Variants in HIRA observed in about 807,000 individuals in gnomAD.
HIRA encodes the protein histone cell cycle regulator.
HIRA carries 13 observed loss-of-function variants against 126.6 expected under a neutral mutation model. That is an observed-to-expected ratio of 0.10 (90% CI 0.07 to 0.16). The LOEUF (loss-of-function observed/expected upper bound fraction) is 0.16. Among genes scored for constraint, HIRA ranks in the 10% least tolerant of loss-of-function variants. HIRA has a pLI of 1.00. For missense variants in HIRA, 834 were observed against 1,314.4 expected (o/e 0.63, Z 5.65); for synonymous variants, 511 against 520.0 (o/e 0.98, Z 0.24).
intron 15 of HIRA, among the ~76,000 whole-genome samples, chr22:19,369,947 C>T (rs143587734): frequency 0.01 from 1,532 of 152,218 alleles, 28 homozygotes; most frequent in African/African-American, 0.034. Context: ...AACAAACAAA[C>T]AAAGAAAATC....
chr22:19,348,704 C>G (rs1352846829), intron 24 of HIRA, among the ~76,000 whole-genome samples: 1 of 151,972 alleles, frequency 6.6e-6, no homozygotes, highest in Non-Finnish European at 1.5e-5. Context: ...ACTAAGTTGG[C>G]CAGGCTGGTC....
intron 5 of HIRA, among the ~76,000 whole-genome samples, chr22:19,398,746 G>A (rs1175495364): frequency 2.0e-5 from 3 of 152,202 alleles, no homozygotes; most frequent in African/African-American, 7.2e-5. Flanking sequence ...GGAGGCTGAG[G>A]TGGGCAGATC....
intron 1 of HIRA, among the ~76,000 whole-genome samples, chr22:19,420,769 C>G (rs2089440221): frequency 6.6e-6 from 1 of 152,024 alleles, no homozygotes; most frequent in Non-Finnish European, 1.5e-5. Context: ...GTGATGGTTG[C>G]ACTAAAAGCC....
At position 19,408,659 on chromosome 22, in the gene HIRA, T is replaced by A. The variant is rs1208501724; in HGVS notation, c.101-66A>T. ...AGAAATTTGATATTAATATTTAATG[T>A]CAAATTAAATTAGGAGAAGTCCTCA... is the stretch of plus-strand genomic sequence containing the variant. On this transcript the variant is annotated intron_variant, in intron 2 of 24. Coordinates refer to ENST00000263208, the MANE Select transcript of HIRA (RefSeq NM_003325.4). 3.4e-6 allele frequency: 3 copies of A among 875,486 alleles called. No homozygotes were observed. The East Asian group carries it at 7.5e-5, about 22-fold the overall frequency. The allele number at this position is 875,486 out of a possible 1,614,324, so 54.2% of individuals were successfully genotyped here. A position where few individuals can be genotyped will look rare whatever the true frequency, so the allele number is the denominator to read the frequency against.
At position 19,339,858 on chromosome 22, in the gene HIRA, G is replaced by A. The variant is rs532648410; in HGVS notation, c.2938-8302C>T. Among the ~76,000 whole-genome samples, 125 of 152,164 alleles carry A rather than the reference G, an allele frequency of 8.2e-4. 1 individual carries two copies. Among genetic ancestry groups the A allele is most frequent in the African/African-American group, 2.9e-3 (122 of 41,532 alleles). ...ACTTTGAACAGACCAATAATAAGTA[G>A]CAAGACTGAAACAGTAATTTAAAAA... On this transcript the variant is annotated intron_variant, in intron 24 of 24. Transcript: ENST00000263208.
Position 19,354,035 on chromosome 22 carries a change from C to CTGT in HIRA, c.2644_2645insACA (p.Cys882delinsTyrSer). The stretch of plus-strand genomic sequence containing the variant: ...CTGGATTATGGCTAACGGTCCTGAG[C>CTGT]ACAGCATGGCGTCCTGGGATGGCAG... On this transcript the variant is annotated protein_altering_variant, in exon 22 of 25. Transcript: ENST00000263208. 1 of 1,613,466 alleles carries CTGT rather than the reference C, an allele frequency of 6.2e-7. No individual in the cohort carries two copies. Among genetic ancestry groups the CTGT allele is most frequent in the Non-Finnish European group, 8.5e-7 (1 of 1,179,798 alleles).
chr22:19,340,062 T>A (rs1480222148), intron 24 of HIRA, among the ~76,000 whole-genome samples: 2 of 151,942 alleles, frequency 1.3e-5, no homozygotes, highest in Admixed American at 6.6e-5. Flanking sequence ...GGAAAGGACA[T>A]AACAAAAAAT....
In HIRA at chr22:19,349,300, A is replaced by T. The variant is rs142298540; in HGVS notation, c.2937+2058T>A. ...TTATTTTTAGTAGAGACGGGATTTC[A>T]GCATGTTGGCCGGGCAGGTCTTGAA... On this transcript the variant is annotated intron_variant, in intron 24 of 24. Transcript: ENST00000263208. Among the ~76,000 whole-genome samples, 199 of 151,804 alleles carry T rather than the reference A, an allele frequency of 1.3e-3. 1 individual carries two copies. Among genetic ancestry groups the T allele is most frequent in the African/African-American group, 4.5e-3 (188 of 41,378 alleles).
At position 19,398,055 on chromosome 22, in the gene HIRA, C is replaced by A; in HGVS notation, c.430G>T (p.Ala144Ser). The change falls in exon 6 of 25, where the codon GCC becomes TCC. Residue 144 changes from alanine (A) to serine (S), a missense_variant. By Grantham distance (99) the Ala-to-Ser change is moderately conservative. Coordinates refer to ENST00000263208, the MANE Select transcript of HIRA (RefSeq NM_003325.4). ...VMDVAWSPHD[A>S]WLASCSVDNT... is the part of the protein sequence containing the mutation. ...TCCACGCTGCATGAGGCTAGCCAGGCATCGTGGGGAGACCATGCTACATCC... is the reference window on the plus strand; with the variant it reads ...TCCACGCTGCATGAGGCTAGCCAGGAATCGTGGGGAGACCATGCTACATCC... 1 of 1,614,078 alleles carries A rather than the reference C, an allele frequency of 6.2e-7. No homozygotes were observed. The highest frequency in any genetic ancestry group is 8.5e-7 in the Non-Finnish European group (1 of 1,179,976).
intron 24 of HIRA, among the ~76,000 whole-genome samples, chr22:19,341,369 A>T (rs2088626162): frequency 6.7e-6 from 1 of 148,942 alleles, no homozygotes; most frequent in South Asian, 2.1e-4. Flanking sequence ...GGATCACTTG[A>T]GCCTTGGAGG....
intron 15 of HIRA, among the ~76,000 whole-genome samples, chr22:19,366,464 T>A (rs1301280339): frequency 2.6e-5 from 4 of 152,218 alleles, no homozygotes; most frequent in African/African-American, 4.8e-5. Context: ...ATTAAGAACA[T>A]CAGTGATTCA....
chr22:19,331,147 C>A lies in HIRA; in HGVS notation c.*293G>T. On this transcript the variant is annotated 3_prime_UTR_variant, in exon 25 of 25. Coordinates refer to ENST00000263208, the MANE Select transcript of HIRA (RefSeq NM_003325.4). ...GTCCACCTTGGGGCCGTGCTGGAGA[C>A]GGCAGGCCTGGGACTGCCTTGCTGG... The A allele has an allele frequency of 2.2e-6, 3 of 1,338,140 alleles. No individual in the cohort carries two copies. Among genetic ancestry groups the A allele is most frequent in the South Asian group, 1.3e-5 (1 of 79,556 alleles). The allele number at this position is 1,338,140 out of a possible 1,614,324, so 82.9% of individuals were successfully genotyped here.
intron 21 of HIRA, among the ~76,000 whole-genome samples, chr22:19,355,104 T>G (rs1182789019): frequency 2.0e-5 from 3 of 151,908 alleles, no homozygotes; most frequent in Non-Finnish European, 4.4e-5. Flanking sequence ...GAAGTCTCAG[T>G]GTGAATGTAG....
chr22:19,341,771 C>T (rs1556007597), intron 24 of HIRA, among the ~76,000 whole-genome samples: 1 of 152,192 alleles, frequency 6.6e-6, no homozygotes, highest in East Asian at 1.9e-4. Context: ...AAGCTGGATC[C>T]TCATCTCTCA....
chr22:19,386,633 C>A (rs1037693740), intron 11 of HIRA, among the ~76,000 whole-genome samples: 1 of 152,202 alleles, frequency 6.6e-6, no homozygotes, highest in Non-Finnish European at 1.5e-5. Flanking sequence ...CCTGGAATCT[C>A]GAAGCAGAAT....
chr22:19,383,558 C>A, intron 13 of HIRA, 62 bp downstream of exon 13: 1 of 1,325,666 alleles, frequency 7.5e-7, no homozygotes. Context: ...AAAGTGTTAA[C>A]CGCTGAAAGA....
At chr22:19,358,121 TC>T (rs2088830591) in intron 18 of HIRA, among the ~76,000 whole-genome samples, 1 of 152,084 alleles carries the variant, frequency 6.6e-6, no homozygotes, top group Admixed American at 6.5e-5. Flanking sequence ...TACCTTAGCC[TC>T]CCGAGTAGCT....
intron 24 of HIRA, among the ~76,000 whole-genome samples, chr22:19,345,989 G>A (rs2088682372): frequency 6.6e-6 from 1 of 152,198 alleles, no homozygotes; most frequent in African/African-American, 2.4e-5. Context: ...TATACATAGA[G>A]TTCCTACAAA....
Position 19,331,052 on chromosome 22 carries a change from G to T in HIRA, c.*388C>A. On this transcript the variant is annotated 3_prime_UTR_variant, in exon 25 of 25. Coordinates refer to ENST00000263208, the MANE Select transcript of HIRA (RefSeq NM_003325.4). ...TCTGCTGTAATACCTAACGCTTCCG[G>T]ATTCTCTCTCACAAATGGCTCAATC... The T allele has an allele frequency of 3.1e-6, 3 of 965,046 alleles. No homozygotes were observed. Among genetic ancestry groups the T allele is most frequent in the Admixed American group, 3.6e-5 (1 of 27,766 alleles). 59.8% of individuals were successfully genotyped at this position (965,046 alleles called of 1,614,324 possible).
Sources: gnomAD v4.1 joint callset for allele counts (sites outside exome capture counted in the v4.1 genomes callset) on GRCh38, gnomAD v4.1.1 for gene constraint, MANE v1.5 for transcripts, NCBI Gene and HGNC (gene_info 2026-07-23, HGNC 2026-07-21) for gene names.